The following HTR1F variants were observed in gnomAD, a reference collection of about 807,000 sequenced individuals.
HTR1F encodes the protein 5-hydroxytryptamine receptor 1F, also known as 5-hydroxytryptamine (serotonin) receptor 1F, G protein-coupled.
A neutral mutation model predicts 24.0 loss-of-function variants in HTR1F; 17 were observed. That is an observed-to-expected ratio of 0.71 (90% confidence interval 0.48 to 1.06). The LOEUF (loss-of-function observed/expected upper bound fraction) is 1.06, where lower values mean the gene tolerates loss of function less well. HTR1F is among the 50% of genes least tolerant of loss of function. The pLI is 0.00. For synonymous variants in HTR1F, 186 were observed against 156.8 expected (o/e 1.19, Z -1.39); for missense variants, 391 against 427.8 (o/e 0.91, Z 0.76).
intron 2 of HTR1F, among the ~76,000 whole-genome samples, chr3:87,836,307 T>C (rs951381292): frequency 2.6e-5 from 4 of 152,214 alleles, no homozygotes; most frequent in Non-Finnish European, 5.9e-5. Flanking sequence ...TTCATTGAGA[T>C]GTTGGGTTTT....
At chr3:87,900,306 A>G (rs2932277) in intron 2 of HTR1F, among the ~76,000 whole-genome samples, 58,059 of 152,086 alleles carry the variant, frequency 0.38, 15,583 homozygotes, top group African/African-American at 0.77. Context: ...CTTTTAAGGC[A>G]GCAGAATCAA....
chr3:87,813,966 T>C (rs1335709118), intron 1 of HTR1F, among the ~76,000 whole-genome samples: 1 of 152,180 alleles, frequency 6.6e-6, no homozygotes, highest in African/African-American at 2.4e-5. Flanking sequence ...TGTGCAGATT[T>C]TTACAGCAGT....
chr3:87,899,547 AG>A (rs1216924578), intron 2 of HTR1F, among the ~76,000 whole-genome samples: 2 of 152,204 alleles, frequency 1.3e-5, no homozygotes, highest in Non-Finnish European at 2.9e-5. Flanking sequence ...AATTTTAAAT[AG>A]CCTAATATAA....
At chr3:87,809,963 T>A (rs1472550097) in intron 1 of HTR1F, among the ~76,000 whole-genome samples, 1 of 152,052 alleles carries the variant, frequency 6.6e-6, no homozygotes, top group African/African-American at 2.4e-5. Flanking sequence ...ATCTGGTTAT[T>A]TTTTTTCCTT....
chr3:87,862,648 C>T (rs1705341397), intron 2 of HTR1F, among the ~76,000 whole-genome samples: 2 of 152,110 alleles, frequency 1.3e-5, no homozygotes, highest in African/African-American at 4.8e-5. Context: ...TCTAGAAACC[C>T]ACTCTTTATG....
In HTR1F at chr3:87,950,466, G is replaced by A. The variant is rs557030745; in HGVS notation, c.-42-40242G>A. On this transcript the variant is annotated intron_variant, in intron 2 of 2. Transcript: ENST00000319595. ...CAACCCTTCATTCATACATAACCAC[G>A]TCTTGACTCCTTCTGGTCCTTCAGT... Among the ~76,000 whole-genome samples, 22 of 151,126 alleles carry A rather than the reference G, an allele frequency of 1.5e-4. No individual in the cohort carries two copies. The South Asian group carries it at 2.3e-3, about 16-fold the overall frequency.
intron 2 of HTR1F, among the ~76,000 whole-genome samples, chr3:87,923,854 T>C (rs536700548): frequency 3.3e-5 from 5 of 152,230 alleles, no homozygotes; most frequent in African/African-American, 1.2e-4. Flanking sequence ...AATTTGATCA[T>C]GGTGTATACC....
At chr3:87,920,360 C>T (rs1369218606) in intron 2 of HTR1F, among the ~76,000 whole-genome samples, 1 of 151,860 alleles carries the variant, frequency 6.6e-6, no homozygotes, top group Non-Finnish European at 1.5e-5. Flanking sequence ...AGAACTTACT[C>T]ATGTAACCAA....
intron 2 of HTR1F, among the ~76,000 whole-genome samples, chr3:87,823,751 T>A (rs1704406695): frequency 6.6e-6 from 1 of 151,674 alleles, no homozygotes; most frequent in Non-Finnish European, 1.5e-5. Flanking sequence ...AGTGCTGGGA[T>A]TACAGGCTTT....
chr3:87,876,863 T>C (rs1705682482), intron 2 of HTR1F, among the ~76,000 whole-genome samples: 1 of 152,148 alleles, frequency 6.6e-6, no homozygotes, highest in African/African-American at 2.4e-5. Context: ...TCCTTTTCAT[T>C]AAAGCCATAT....
chr3:87,990,526 A>G (rs1339555159), intron 2 of HTR1F, among the ~76,000 whole-genome samples, 182 bp from the exon 3 acceptor site: 1 of 152,156 alleles, frequency 6.6e-6, no homozygotes, highest in Non-Finnish European at 1.5e-5. Flanking sequence ...GGCTTTTTTT[A>G]CTGTTCTCAT....
chr3:87,899,509 C>A (rs887916495), intron 2 of HTR1F, among the ~76,000 whole-genome samples: 3 of 152,152 alleles, frequency 2.0e-5, no homozygotes, highest in Non-Finnish European at 1.5e-5. Flanking sequence ...AAGCTAAATC[C>A]TTTTATAATT....
intron 2 of HTR1F, among the ~76,000 whole-genome samples, chr3:87,924,884 G>C (rs1481542867): frequency 8.6e-5 from 13 of 152,014 alleles, no homozygotes; most frequent in African/African-American, 3.1e-4. Context: ...GAATTTATTA[G>C]CTTCTTGGAT....
chr3:87,988,360 T>C (rs1053028893), intron 2 of HTR1F, among the ~76,000 whole-genome samples: 23 of 151,268 alleles, frequency 1.5e-4, no homozygotes, highest in African/African-American at 5.6e-4. Flanking sequence ...CAATAGACAA[T>C]CACTCTTTTT....
intron 2 of HTR1F, among the ~76,000 whole-genome samples, chr3:87,937,204 G>A (rs1704446168): frequency 6.6e-6 from 1 of 151,804 alleles, no homozygotes; most frequent in Admixed American, 6.6e-5. Context: ...CAATATCCTT[G>A]GTAAACATTG....
chr3:87,961,813 A>G (rs1395945497), intron 2 of HTR1F, among the ~76,000 whole-genome samples: 2 of 151,972 alleles, frequency 1.3e-5, no homozygotes, highest in Non-Finnish European at 2.9e-5. Context: ...AAAAAAAAAA[A>G]AAGAATAAAA....
At chr3:87,884,229 T>G (rs1419390312) in intron 2 of HTR1F, among the ~76,000 whole-genome samples, 5 of 152,210 alleles carry the variant, frequency 3.3e-5, no homozygotes, top group African/African-American at 1.2e-4. Context: ...CAGAATTTTA[T>G]ACCCAGCCAA....
At chr3:87,819,314 T>A (rs944993302) in intron 1 of HTR1F, among the ~76,000 whole-genome samples, 4 of 151,986 alleles carry the variant, frequency 2.6e-5, no homozygotes, top group South Asian at 4.1e-4. Flanking sequence ...GTTTTTGGTA[T>A]ACAAATCCCA....
rs577746234 is a variant in HTR1F, at chr3:87,841,694, G to A, written c.-43+19570G>A. On this transcript the variant is annotated intron_variant, in intron 2 of 2. Transcript: ENST00000319595. ...GCAGGCAGATCACCTGGGGTCAAGA[G>A]TTCGAGACCAGCCTGGCCGACATGG... 3.6e-3 allele frequency among the ~76,000 whole-genome samples: 552 copies of A among 151,748 alleles called. 10 individuals carry two copies. Among genetic ancestry groups the A allele is most frequent in the African/African-American group, 0.013 (518 of 41,152 alleles).
Sources: allele counts gnomAD v4.1 joint callset (sites outside exome capture counted in the v4.1 genomes callset), GRCh38; gene constraint gnomAD v4.1.1; transcripts MANE v1.5; gene names NCBI Gene and HGNC (gene_info 2026-07-23, HGNC 2026-07-21).